Variants in ROBO2 observed in about 807,000 individuals in gnomAD.
The protein encoded by ROBO2 is roundabout homolog 2.
A neutral mutation model predicts 160.8 loss-of-function variants in ROBO2; 53 were observed. That is an observed-to-expected ratio of 0.33 (90% CI 0.26 to 0.41). The LOEUF (loss-of-function observed/expected upper bound fraction) is 0.41. ROBO2 is among the 10% of genes least tolerant of loss of function. ROBO2 has a pLI of 1.00. For synonymous variants in ROBO2, 664 were observed against 611.7 expected (o/e 1.09, Z -1.26); for missense variants, 1,577 against 1,722.4 (o/e 0.92, Z 1.49).
At chr3:76,354,526 G>A (rs1449756316) in intron 2 of ROBO2, among the ~76,000 whole-genome samples, 1 of 151,740 alleles carries the variant, frequency 6.6e-6, no homozygotes, top group Non-Finnish European at 1.5e-5. Context: ...GCCCTCACTT[G>A]CTTATTATGC....
intron 2 of ROBO2, among the ~76,000 whole-genome samples, chr3:76,085,198 ACATAT>A (rs2068970976): frequency 7.1e-6 from 1 of 141,380 alleles, no homozygotes; most frequent in African/African-American, 2.8e-5. Context: ...GTATATAGAA[ACATAT>A]CATTAAGTGG....
intron 2 of ROBO2, among the ~76,000 whole-genome samples, chr3:76,806,275 A>G (rs1351107326): frequency 6.6e-6 from 1 of 151,384 alleles, no homozygotes; most frequent in Non-Finnish European, 1.5e-5. Flanking sequence ...GTACACATAA[A>G]TACATTTTTC....
At chr3:77,341,578 G>T (rs1376277605) in intron 2 of ROBO2, among the ~76,000 whole-genome samples, 3 of 152,070 alleles carry the variant, frequency 2.0e-5, no homozygotes, top group Non-Finnish European at 4.4e-5. Flanking sequence ...GCAACATGTT[G>T]TATAATGAAA....
chr3:76,363,039 G>T (rs1454777689), intron 2 of ROBO2, among the ~76,000 whole-genome samples: 1 of 152,032 alleles, frequency 6.6e-6, no homozygotes, highest in East Asian at 1.9e-4. Context: ...TACACTAAAT[G>T]ATATCCTTGA....
At chr3:76,214,232 T>G (rs946535399) in intron 2 of ROBO2, among the ~76,000 whole-genome samples, 1 of 152,152 alleles carries the variant, frequency 6.6e-6, no homozygotes, top group Non-Finnish European at 1.5e-5. Context: ...GAAAACACAC[T>G]AATCCACTCC....
intron 2 of ROBO2, among the ~76,000 whole-genome samples, chr3:76,110,032 T>C (rs1053616598): frequency 2.0e-5 from 3 of 151,152 alleles, no homozygotes; most frequent in Non-Finnish European, 4.4e-5. Flanking sequence ...TATATATATA[T>C]GTGTGTGTAT....
chr3:76,441,388 T>C (rs1007822155), intron 2 of ROBO2, among the ~76,000 whole-genome samples: 2 of 152,190 alleles, frequency 1.3e-5, no homozygotes, highest in Non-Finnish European at 2.9e-5. Flanking sequence ...TGGTCTTTAA[T>C]TCAAAGCTTG....
At chr3:76,713,053 T>C (rs1251783644) in intron 2 of ROBO2, among the ~76,000 whole-genome samples, 1 of 152,196 alleles carries the variant, frequency 6.6e-6, no homozygotes, top group African/African-American at 2.4e-5. Context: ...AATAAGTTAA[T>C]TGTCTTTTAA....
In ROBO2 at chr3:76,834,369, A is replaced by T. The variant is rs1345430714; in HGVS notation, c.110-263645A>T. On this transcript the variant is annotated intron_variant, in intron 2 of 26. Transcript: ENST00000487694. ...TGCCCTGCTAATTATTTATTTATTT[A>T]CTTATTTATTTTTGAGATGAGGTCT... Among the ~76,000 whole-genome samples the T allele has an allele frequency of 7.9e-5, 12 of 151,106 alleles. No individual in the cohort carries two copies. The Admixed American group carries it at 8.0e-4, about 10-fold the overall frequency.
At position 77,002,654 on chromosome 3, in the gene ROBO2, A is replaced by G. The variant is rs142084230; in HGVS notation, c.110-95360A>G. Among the ~76,000 whole-genome samples, 172 of 152,188 alleles carry G rather than the reference A, an allele frequency of 1.1e-3. 2 individuals are homozygous for G. Among genetic ancestry groups the G allele is most frequent in the African/African-American group, 3.9e-3 (162 of 41,566 alleles). On this transcript the variant is annotated intron_variant, in intron 2 of 26. Transcript: ENST00000487694. ...AGCTTTGAAATTTTTAATCTTGTCT[A>G]AACACTGGCAAATAATTTCAATTTG...
chr3:76,594,641 C>G (rs531382483), intron 2 of ROBO2, among the ~76,000 whole-genome samples: 2 of 151,796 alleles, frequency 1.3e-5, no homozygotes, highest in African/African-American at 4.8e-5. Context: ...TCCTCTGTCT[C>G]CATTAGAACG....
chr3:76,770,583 C>T (rs2061840214), intron 2 of ROBO2, among the ~76,000 whole-genome samples: 1 of 151,112 alleles, frequency 6.6e-6, no homozygotes, highest in Non-Finnish European at 1.5e-5. Flanking sequence ...AAATATGCAC[C>T]CTTACACCCA....
chr3:77,608,770 T>A (rs2094571620), intron 21 of ROBO2, among the ~76,000 whole-genome samples: 1 of 152,100 alleles, frequency 6.6e-6, no homozygotes, highest in Non-Finnish European at 1.5e-5. Context: ...GGCCTTTATG[T>A]AAGCTAAAAA....
intron 2 of ROBO2, among the ~76,000 whole-genome samples, chr3:77,307,413 C>G (rs1397203574): frequency 2.6e-5 from 4 of 152,106 alleles, no homozygotes; most frequent in African/African-American, 9.6e-5. Context: ...TAAAAGCATA[C>G]AGGGGTGAAG....
chr3:76,101,512 G>A (rs1012847539), intron 2 of ROBO2, among the ~76,000 whole-genome samples: 4 of 152,216 alleles, frequency 2.6e-5, no homozygotes, highest in Admixed American at 6.5e-5. Context: ...AAGTGGTAAC[G>A]GAAGCCATGA....
intron 2 of ROBO2, among the ~76,000 whole-genome samples, chr3:77,414,529 T>C (rs1164191554): frequency 2.6e-5 from 4 of 152,066 alleles, no homozygotes; most frequent in African/African-American, 9.7e-5. Flanking sequence ...GTTAGAAAAA[T>C]TAATGATACA....
intron 2 of ROBO2, among the ~76,000 whole-genome samples, chr3:77,021,615 CT>C (rs1294193084): frequency 6.6e-6 from 1 of 152,128 alleles, no homozygotes; most frequent in Non-Finnish European, 1.5e-5. Context: ...ACAAATGTAT[CT>C]TGTTTCAATG....
At chr3:76,024,935 G>C (rs1313613474) in intron 2 of ROBO2, among the ~76,000 whole-genome samples, 2 of 149,086 alleles carry the variant, frequency 1.3e-5, no homozygotes, top group Admixed American at 6.7e-5. Flanking sequence ...GTGTGTGTGT[G>C]CGTATATATA....
intron 2 of ROBO2, among the ~76,000 whole-genome samples, chr3:76,851,961 G>A (rs2069446845): frequency 6.6e-6 from 1 of 151,866 alleles, no homozygotes; most frequent in African/African-American, 2.4e-5. Context: ...ACATTCATTA[G>A]GCTTAATAGA....
Sources: gnomAD v4.1 joint callset for allele counts (sites outside exome capture counted in the v4.1 genomes callset) on GRCh38, gnomAD v4.1.1 for gene constraint, MANE v1.5 for transcripts, NCBI Gene and HGNC (gene_info 2026-07-23, HGNC 2026-07-21) for gene names.